The following ANKRD62 variants were observed in gnomAD, a reference collection of about 807,000 sequenced individuals.
ANKRD62 encodes ankyrin repeat domain 62, also known as ankyrin repeat domain-containing protein 62.
In ANKRD62, 61 loss-of-function variants were observed where a neutral mutation model predicts 98.8. The observed-to-expected ratio is 0.62, with a 90% confidence interval of 0.50 to 0.76. ANKRD62 has a LOEUF of 0.76. Among genes scored for constraint, ANKRD62 ranks in the 30% least tolerant of loss-of-function variants. The pLI, the probability that ANKRD62 is intolerant of heterozygous loss-of-function variation, is 0.00. For synonymous variants in ANKRD62, 341 were observed against 367.9 expected (o/e 0.93, Z 0.84); for missense variants, 933 against 1,082.9 (o/e 0.86, Z 1.94).
Position 12,107,280 on chromosome 18 carries a change from A to G in ANKRD62, c.892-15A>G, listed in dbSNP as rs954098853. 5.4e-6 allele frequency: 8 copies of G among 1,477,522 alleles called. No homozygotes were observed. The highest frequency in any genetic ancestry group is 2.4e-5 in the Admixed American group (1 of 40,996). The allele number at this position is 1,477,522 out of a possible 1,614,324, so 91.5% of individuals were successfully genotyped here. On this transcript the variant is annotated splice_polypyrimidine_tract_variant and intron_variant, in intron 7 of 13. Coordinates refer to ENST00000587848, the MANE Select transcript of ANKRD62 (RefSeq NM_001277333.2). ...AATAATGACAATTATTCTCAGTATG[A>G]AACTTTCATTGAAGGTTGAAGAAAA...
chr18:12,164,876 G>A, the ANKRD62 span, among the ~76,000 whole-genome samples: 30 of 151,926 alleles, frequency 2.0e-4, no homozygotes, highest in Admixed American at 1.2e-3. Flanking sequence ...TGCTGAAAGT[G>A]GGATGTTGAA....
At chr18:12,145,420 C>G in the ANKRD62 span, among the ~76,000 whole-genome samples, 1 of 152,212 alleles carries the variant, frequency 6.6e-6, no homozygotes, top group African/African-American at 2.4e-5. Context: ...GAGAATACCA[C>G]GACTGGGGAC....
the ANKRD62 span, among the ~76,000 whole-genome samples, chr18:12,156,043 T>TTC: frequency 2.6e-5 from 4 of 151,252 alleles, no homozygotes; most frequent in South Asian, 2.1e-4. Context: ...TGATACTACC[T>TTC]TCTCTCTCTC....
downstream of ANKRD62, among the ~76,000 whole-genome samples, chr18:12,133,183 T>G (rs1194915337): frequency 5.3e-5 from 8 of 152,190 alleles, no homozygotes; most frequent in Non-Finnish European, 2.9e-5. Flanking sequence ...TGGCTTTTTG[T>G]GTCTGGGTTA....
At chr18:12,102,679 A>C in intron 6 of ANKRD62, 17 of 1,012,084 alleles carry the variant, frequency 1.7e-5, no homozygotes, top group South Asian at 3.7e-5. Flanking sequence ...TAGTAGAGGA[A>C]GACATTTCAG....
At chr18:12,149,710 AG>A in the ANKRD62 span, among the ~76,000 whole-genome samples, 1 of 86,156 alleles carries the variant, frequency 1.2e-5, no homozygotes. Context: ...CTGAAACCAA[AG>A]ACAAGAAGTC....
rs2143933988 is a variant in ANKRD62, at chr18:12,126,285, T to C, written c.2464T>C (p.Cys822Arg). Residue 822 changes from cysteine to arginine, a missense_variant, in exon 13 of 14, where the codon TGT (cysteine) becomes CGT (arginine). By Grantham distance (180) the Cys-to-Arg change is radical. Around this residue, in one of 3 missense-constraint regions of ANKRD62, gnomAD observed 362 missense variants for 434.5 expected, o/e 0.83. Coordinates refer to ENST00000587848, the MANE Select transcript of ANKRD62 (RefSeq NM_001277333.2). Reference sequence around the variant, plus strand: ...TACTGTAGAAAAACTTCAAGCTGAGTGTAGAAAGCTAGAAGAGAACAATAA... The same window carrying C: ...TACTGTAGAAAAACTTCAAGCTGAGCGTAGAAAGCTAGAAGAGAACAATAA... ...EDTVEKLQAECRKLEENNKGL... is the reference protein window; with the variant it reads ...EDTVEKLQAERRKLEENNKGL... 2.6e-6 allele frequency: 4 copies of C among 1,535,782 alleles called. No individual in the cohort carries two copies. The East Asian group carries it at 9.8e-5, about 38-fold the overall frequency.
chr18:12,102,526 T>C (rs561859127), intron 6 of ANKRD62: 14 of 338,828 alleles, frequency 4.1e-5, no homozygotes, highest in Middle Eastern at 1.0e-3. Context: ...ATTTTAGTTA[T>C]AGTCGGTTAA....
intron 10 of ANKRD62, among the ~76,000 whole-genome samples, chr18:12,121,915 G>A (rs1372671085): frequency 2.0e-5 from 3 of 152,156 alleles, no homozygotes; most frequent in South Asian, 2.1e-4. Context: ...TAGCCAGAGC[G>A]CTTTGCTTCC....
rs1909343219 is a variant in ANKRD62, at chr18:12,103,196, A to G, written c.859A>G (p.Arg287Gly). Reference sequence around the variant, plus strand: ...AATGACATCAGAGGGAGAGCAAGAAAGGCTTGAAGGATGTGAAAGTAGCCA... The same window carrying G: ...AATGACATCAGAGGGAGAGCAAGAAGGGCTTGAAGGATGTGAAAGTAGCCA... ...LEMTSEGEQE[R>G]LEGCESSQPQ... Residue 287 changes from arginine (R) to glycine (G), a missense_variant, in exon 7 of 14, where the codon AGG becomes GGG. Physicochemically the swap from Arg to Gly is moderately radical, Grantham distance 125. Transcript: ENST00000587848. 7.3e-7 allele frequency: 1 copy of G among 1,369,770 alleles called. No homozygotes were observed. The highest frequency in any genetic ancestry group is 9.5e-7 in the Non-Finnish European group (1 of 1,053,854). 84.9% of individuals were successfully genotyped at this position (1,369,770 alleles called of 1,614,324 possible).
rs764678854 is a variant in ANKRD62 at position 12,126,122 on chromosome 18, A to G, written c.2301A>G (p.Arg767=). The G allele has an allele frequency of 1.3e-6, 2 of 1,536,032 alleles. No individual in the cohort carries two copies. Among genetic ancestry groups the G allele is most frequent in the East Asian group, 2.4e-5 (1 of 40,926 alleles). The change falls in exon 13 of 14, where the codon AGA becomes AGG. Residue 767 remains arginine (R), a synonymous_variant. Coordinates refer to ENST00000587848, the MANE Select transcript of ANKRD62 (RefSeq NM_001277333.2). The part of the protein sequence containing the change: ...NDQPILEKYV[R]KQQSVEDGLF... ...AACCTATTTTGGAAAAATACGTGAG[A>G]AAGCAGCAATCTGTAGAGGATGGAC...
chr18:12,162,234 C>T, the ANKRD62 span, among the ~76,000 whole-genome samples: 2 of 152,116 alleles, frequency 1.3e-5, no homozygotes, highest in East Asian at 3.8e-4. Context: ...GAGATGATAT[C>T]TCACTGTAGT....
At chr18:12,152,803 C>T in the ANKRD62 span, among the ~76,000 whole-genome samples, 2 of 152,124 alleles carry the variant, frequency 1.3e-5, no homozygotes, top group African/African-American at 4.8e-5. Context: ...GTTTGCAAGA[C>T]AGCATTATTC....
chr18:12,120,332 A>G (rs551822732), intron 10 of ANKRD62, among the ~76,000 whole-genome samples: 1 of 152,318 alleles, frequency 6.6e-6, no homozygotes, highest in Non-Finnish European at 1.5e-5. Flanking sequence ...TTAGGGGCAT[A>G]AACATTTAGG....
chr18:12,093,898 G>C lies in ANKRD62; in HGVS notation c.-120G>C. ...AGCTGGAGACTGGAGTGTCCCTGACGGAGGTTGCGGCTGGACCTGGTTACG... is the reference window on the plus strand; with the variant it reads ...AGCTGGAGACTGGAGTGTCCCTGACCGAGGTTGCGGCTGGACCTGGTTACG... On this transcript the variant is annotated 5_prime_UTR_variant, in exon 1 of 14. Transcript: ENST00000587848. 1 of 896,238 alleles carries C rather than the reference G, an allele frequency of 1.1e-6. No homozygotes were observed. The highest frequency in any genetic ancestry group is 1.7e-6 in the Non-Finnish European group (1 of 579,972). The allele number at this position is 896,238 out of a possible 1,614,324, so 55.5% of individuals were successfully genotyped here. A position where few individuals can be genotyped will look rare whatever the true frequency, so the allele number is the denominator to read the frequency against.
the ANKRD62 span, among the ~76,000 whole-genome samples, chr18:12,136,629 T>G: frequency 1.1e-4 from 17 of 152,324 alleles, no homozygotes; most frequent in African/African-American, 3.6e-4. Flanking sequence ...ATAAATTACC[T>G]TGGGCAGTAT....
intron 7 of ANKRD62, among the ~76,000 whole-genome samples, chr18:12,105,253 T>C (rs1186758580): frequency 1.3e-5 from 2 of 152,246 alleles, no homozygotes; most frequent in African/African-American, 4.8e-5. Context: ...CAAACCATTA[T>C]ATCATAATTA....
the ANKRD62 span, among the ~76,000 whole-genome samples, chr18:12,165,247 A>G: frequency 6.6e-6 from 1 of 152,074 alleles, no homozygotes; most frequent in African/African-American, 2.4e-5. Flanking sequence ...GTGTCTTTTT[A>G]TTGGAGAATT....
intron 8 of ANKRD62, among the ~76,000 whole-genome samples, chr18:12,112,735 CT>C (rs1909570377): frequency 6.6e-6 from 1 of 152,164 alleles, no homozygotes; most frequent in African/African-American, 2.4e-5. Flanking sequence ...AACTAAGGAG[CT>C]TCTGCACAGC....
Sources: gnomAD v4.1 joint callset for allele counts (sites outside exome capture counted in the v4.1 genomes callset) on GRCh38, gnomAD v4.1.1 for gene constraint, gnomAD v4.1.1 regional missense constraint, MANE v1.5 for transcripts, NCBI Gene and HGNC (gene_info 2026-07-23, HGNC 2026-07-21) for gene names.